The following SPATA13 variants were observed in gnomAD, a reference collection of about 807,000 sequenced individuals.
SPATA13 encodes spermatogenesis associated 13, also known as spermatogenesis-associated protein 13.
Under a neutral mutation model 104.0 loss-of-function variants are expected in SPATA13, and 50 were observed. That is an observed-to-expected ratio of 0.48 (90% CI 0.38 to 0.61). The LOEUF (loss-of-function observed/expected upper bound fraction) is 0.61. SPATA13 is among the 20% of genes least tolerant of loss of function. The pLI is 0.00. For missense variants in SPATA13, 1,524 were observed against 1,690.6 expected (o/e 0.90, Z 1.73); for synonymous variants, 606 against 667.5 (o/e 0.91, Z 1.42).
intron 3 of SPATA13, among the ~76,000 whole-genome samples, chr13:24,106,390 CA>C (rs1017790449): frequency 6.6e-6 from 1 of 152,114 alleles, no homozygotes; most frequent in African/African-American, 2.4e-5. Flanking sequence ...TGTTAGAAAC[CA>C]AAAGTTATTT....
intron 3 of SPATA13, among the ~76,000 whole-genome samples, chr13:24,031,040 G>A (rs962661272): frequency 4.6e-5 from 7 of 152,178 alleles, no homozygotes; most frequent in Non-Finnish European, 8.8e-5. Flanking sequence ...CCAGTTTACC[G>A]CATTTTCTTC....
chr13:24,210,246 T>C (rs1335435266), intron 1 of SPATA13, among the ~76,000 whole-genome samples: 2 of 152,220 alleles, frequency 1.3e-5, no homozygotes, highest in Non-Finnish European at 2.9e-5. Context: ...TATTTTGTTG[T>C]TTCTTTTGCT....
intron 2 of SPATA13, among the ~76,000 whole-genome samples, chr13:24,247,398 C>T (rs1873198143): frequency 1.3e-5 from 2 of 151,662 alleles, no homozygotes. Flanking sequence ...TCTTTAGGTC[C>T]CAGTTTTCCT....
chr13:24,066,513 A>G (rs7994294), intron 3 of SPATA13, among the ~76,000 whole-genome samples: 58,073 of 151,922 alleles, frequency 0.38, 11,218 homozygotes, highest in South Asian at 0.49. Context: ...CCACCATTTT[A>G]CCACCCTGGG....
At chr13:24,261,173 A>G (rs1593471829) in intron 4 of SPATA13, among the ~76,000 whole-genome samples, 1 of 152,150 alleles carries the variant, frequency 6.6e-6, no homozygotes, top group East Asian at 1.9e-4. Context: ...ATCGTGGAGG[A>G]CTGGAGACCT....
In SPATA13 at chr13:24,027,134, G is replaced by T. The variant is rs1453066854; in HGVS notation, c.-112+9433G>T. Among the ~76,000 whole-genome samples the T allele has an allele frequency of 8.0e-5, 9 of 112,072 alleles. 1 individual carries two copies. Among genetic ancestry groups the T allele is most frequent in the South Asian group, 3.0e-4 (1 of 3,338 alleles). 73.5% of individuals were successfully genotyped at this position (112,072 alleles called of 152,430 possible). A position where few individuals can be genotyped will look rare whatever the true frequency, so the allele number is the denominator to read the frequency against. Reference sequence around the variant, plus strand: ...TGTTCCTGATATTTTTTGTTTAGCCGTTTTTTTTTTTTTTTTTTGAGACGG... The same window carrying T: ...TGTTCCTGATATTTTTTGTTTAGCCTTTTTTTTTTTTTTTTTTTGAGACGG... On this transcript the variant is annotated intron_variant, in intron 3 of 14. Coordinates refer to the SPATA13 transcript ENST00000424834.
At chr13:24,061,677 G>C (rs1002596245) in intron 3 of SPATA13, among the ~76,000 whole-genome samples, 2 of 152,020 alleles carry the variant, frequency 1.3e-5, no homozygotes, top group African/African-American at 2.4e-5. Flanking sequence ...ATGAGAACTC[G>C]TGAAGACCAG....
chr13:24,249,680 C>A lies in SPATA13; in HGVS notation c.1857C>A (p.Asp619Glu). Reference sequence around the variant, plus strand: ...ACCCCCAGAAGGAAGACCGTGTGGACGAGGACCCCCAGGCAAGCATGACTT... The same window carrying A: ...ACCCCCAGAAGGAAGACCGTGTGGAAGAGGACCCCCAGGCAAGCATGACTT... ...AADPQKEDRV[D>E]EDPQASMTSA... The change falls in exon 3 of 13, where the codon GAC becomes GAA. Residue 619 changes from aspartate to glutamate, a missense_variant. Around this residue, in one of 2 missense-constraint regions of SPATA13, gnomAD observed 1,089 missense variants for 1,135.9 expected, o/e 0.96. Coordinates refer to ENST00000382108, the MANE Select transcript of SPATA13 (RefSeq NM_001166271.3). 1 of 1,614,150 alleles carries A rather than the reference C, an allele frequency of 6.2e-7. No individual in the cohort carries two copies. The highest frequency in any genetic ancestry group is 8.5e-7 in the Non-Finnish European group (1 of 1,180,022).
chr13:24,162,179 G>C (rs1188695757), intron 1 of SPATA13, among the ~76,000 whole-genome samples: 2 of 152,016 alleles, frequency 1.3e-5, no homozygotes, highest in Non-Finnish European at 2.9e-5. Context: ...TGGCCCCCAC[G>C]TTTGCCATCT....
chr13:24,157,280 C>T (rs1382902864), upstream of SPATA13, among the ~76,000 whole-genome samples: 1 of 124,578 alleles, frequency 8.0e-6, no homozygotes, highest in Non-Finnish European at 1.9e-5. Flanking sequence ...AGTCAGGTAA[C>T]TCCTTTTTCT....
intron 9 of SPATA13, among the ~76,000 whole-genome samples, chr13:24,292,462 G>A (rs1403578655): frequency 2.0e-5 from 3 of 152,174 alleles, no homozygotes; most frequent in African/African-American, 4.8e-5. Flanking sequence ...GATGAGAATC[G>A]AAACAGGGTC....
chr13:24,171,773 A>G (rs535717102), intron 1 of SPATA13, among the ~76,000 whole-genome samples: 1 of 152,356 alleles, frequency 6.6e-6, no homozygotes, highest in South Asian at 2.1e-4. Flanking sequence ...TTTGGTGCAT[A>G]GATGAGTTTC....
chr13:24,091,501 G>T (rs1359645036), intron 3 of SPATA13, among the ~76,000 whole-genome samples: 1 of 152,206 alleles, frequency 6.6e-6, no homozygotes, highest in Non-Finnish European at 1.5e-5. Flanking sequence ...GTCAAATGAA[G>T]ACAAGCTCTA....
intron 3 of SPATA13, among the ~76,000 whole-genome samples, chr13:24,135,092 T>A (rs1162739864): frequency 1.3e-5 from 2 of 152,132 alleles, no homozygotes; most frequent in African/African-American, 4.8e-5. Flanking sequence ...GAAACAGCCC[T>A]GCCAATGCCT....
chr13:24,037,207 G>A (rs1407770360), intron 3 of SPATA13, among the ~76,000 whole-genome samples: 1 of 113,634 alleles, frequency 8.8e-6, no homozygotes, highest in Non-Finnish European at 1.7e-5. Context: ...CTGTCATAGG[G>A]TGGGGGGAGG....
chr13:24,077,370 G>A (rs1319197314), intron 3 of SPATA13, among the ~76,000 whole-genome samples: 1 of 151,708 alleles, frequency 6.6e-6, no homozygotes, highest in Non-Finnish European at 1.5e-5. Flanking sequence ...CCCAAAATTG[G>A]GATCCATGAG....
At chr13:24,121,771 C>T (rs916432518) in intron 3 of SPATA13, among the ~76,000 whole-genome samples, 18 of 152,276 alleles carry the variant, frequency 1.2e-4, no homozygotes, top group Admixed American at 1.2e-3. Context: ...CCTCGTGTTT[C>T]AGATTTCCAC....
chr13:24,178,218 C>T (rs530936718), intron 1 of SPATA13, among the ~76,000 whole-genome samples: 25 of 152,300 alleles, frequency 1.6e-4, no homozygotes, highest in South Asian at 4.1e-4. Flanking sequence ...AAGGCGCAAA[C>T]GTTCCAATAA....
intron 3 of SPATA13, among the ~76,000 whole-genome samples, chr13:24,067,968 T>A (rs1879026490): frequency 6.6e-6 from 1 of 152,208 alleles, no homozygotes; most frequent in Non-Finnish European, 1.5e-5. Flanking sequence ...CCTCCCAAAG[T>A]GCTAGGATTA....
Sources: allele counts gnomAD v4.1 joint callset (sites outside exome capture counted in the v4.1 genomes callset), GRCh38; gene constraint gnomAD v4.1.1; regional missense constraint gnomAD v4.1.1; transcripts MANE v1.5; gene names NCBI Gene and HGNC (gene_info 2026-07-23, HGNC 2026-07-21).